IQSEC1: variants seen among roughly 807,000 people sequenced by gnomAD.
IQSEC1 encodes IQ motif and SEC7 domain-containing protein 1.
Under a neutral mutation model 91.0 loss-of-function variants are expected in IQSEC1, and 31 were observed. The observed-to-expected ratio is 0.34, with a 90% CI of 0.26 to 0.46. The LOEUF is 0.46. Ranked by LOEUF, IQSEC1 falls within the 20% of genes least tolerant of loss-of-function variation. The pLI is 1.00. For missense variants in IQSEC1, 1,388 were observed against 1,575.6 expected, an observed-to-expected ratio of 0.88 and a Z score of 2.02; for synonymous variants, 699 against 662.6, an observed-to-expected ratio of 1.05 and a Z score of -0.84.
chr3:13,022,566 G>C (rs1703450050), intron 1 of IQSEC1: 2 of 582,766 alleles, frequency 3.4e-6, no homozygotes, highest in Admixed American at 1.3e-4. Context: ...GGCTGGCCTG[G>C]GATGGGAGAG....
intron 1 of IQSEC1, among the ~76,000 whole-genome samples, chr3:13,252,205 C>T (rs549541192): frequency 6.6e-6 from 1 of 152,116 alleles, no homozygotes; most frequent in Non-Finnish European, 1.5e-5. Context: ...CACCAATCCC[C>T]CTCCCCTCAG....
chr3:13,129,652 T>C (rs1706573191), intron 2 of IQSEC1, among the ~76,000 whole-genome samples: 1 of 133,966 alleles, frequency 7.5e-6, no homozygotes, highest in Non-Finnish European at 1.6e-5. Flanking sequence ...TAACATCTTA[T>C]GAATTTTTTT....
chr3:13,274,595 T>C (rs1576319242), intron 1 of IQSEC1, among the ~76,000 whole-genome samples: 1 of 147,446 alleles, frequency 6.8e-6, no homozygotes, highest in African/African-American at 2.5e-5. Flanking sequence ...AACCCTCCCC[T>C]GCGACCACAT....
At chr3:13,118,075 G>C (rs1706366000) in intron 2 of IQSEC1, among the ~76,000 whole-genome samples, 1 of 152,094 alleles carries the variant, frequency 6.6e-6, no homozygotes, top group Non-Finnish European at 1.5e-5. Flanking sequence ...TAATCATAAC[G>C]TATAGTTTCA....
At chr3:13,178,075 G>A (rs1348586273) in intron 1 of IQSEC1, among the ~76,000 whole-genome samples, 1 of 152,236 alleles carries the variant, frequency 6.6e-6, no homozygotes, top group East Asian at 1.9e-4. Flanking sequence ...TCTTGCATTT[G>A]TTCTCCATGG....
chr3:13,177,748 T>C (rs1436429348), intron 1 of IQSEC1, among the ~76,000 whole-genome samples: 1 of 152,194 alleles, frequency 6.6e-6, no homozygotes, highest in South Asian at 2.1e-4. Context: ...CTGCTGTTGG[T>C]CCCTCTGCTG....
intron 2 of IQSEC1, among the ~76,000 whole-genome samples, chr3:13,117,683 G>A (rs937228804): frequency 4.7e-5 from 7 of 149,986 alleles, no homozygotes; most frequent in Non-Finnish European, 4.4e-5. Flanking sequence ...ACAGGAGTTC[G>A]AGACCAGCCT....
intron 1 of IQSEC1, among the ~76,000 whole-genome samples, chr3:13,206,327 G>A (rs966751088): frequency 6.6e-6 from 1 of 152,178 alleles, no homozygotes; most frequent in East Asian, 1.9e-4. Context: ...GGTGGGGGGC[G>A]CTGTACAGAT....
At chr3:13,146,941 G>T (rs537173572) in intron 2 of IQSEC1, among the ~76,000 whole-genome samples, 6 of 152,304 alleles carry the variant, frequency 3.9e-5, no homozygotes, top group African/African-American at 1.4e-4. Context: ...CAGCCCTCTA[G>T]AGTGCAGGGT....
chr3:13,135,093 T>C (rs1706686076), intron 2 of IQSEC1, among the ~76,000 whole-genome samples: 1 of 152,196 alleles, frequency 6.6e-6, no homozygotes, highest in Admixed American at 6.5e-5. Flanking sequence ...GCTGAGCAGA[T>C]GACTTCCCCA....
intron 2 of IQSEC1, among the ~76,000 whole-genome samples, chr3:13,119,695 C>T (rs1010949784): frequency 2.0e-5 from 3 of 152,234 alleles, no homozygotes; most frequent in African/African-American, 7.2e-5. Flanking sequence ...TCTAAGGCAG[C>T]CTGGCTGCAC....
rs1006009249 is a variant in IQSEC1 at position 13,214,602 on chromosome 3, G to A, written c.273-50469C>T. Reference sequence around the variant, plus strand: ...AGGGCAGGAATCCTAGCAGAAGCCTGTGAGGTGAGGAGGGGGCACCTCCAG... The same window carrying A: ...AGGGCAGGAATCCTAGCAGAAGCCTATGAGGTGAGGAGGGGGCACCTCCAG... On this transcript the variant is annotated intron_variant, in intron 1 of 15. Coordinates refer to the IQSEC1 transcript ENST00000648114. The surrounding 1 kb of genome is among the most constrained non-coding windows in gnomAD (Gnocchi z 4.5). Among the ~76,000 whole-genome samples, 2 of 152,260 alleles carry A rather than the reference G, an allele frequency of 1.3e-5. No homozygotes were observed. The highest frequency in any genetic ancestry group is 2.4e-5 in the African/African-American group (1 of 41,468).
rs543331268 is a variant in IQSEC1 at position 13,245,802 on chromosome 3, G to A, written c.272+36909C>T. Among the ~76,000 whole-genome samples, 835 of 151,654 alleles carry A rather than the reference G, an allele frequency of 5.5e-3. 5 individuals carry two copies. Among genetic ancestry groups the A allele is most frequent in the African/African-American group, 0.019 (799 of 41,146 alleles). On this transcript the variant is annotated intron_variant, in intron 1 of 15. Coordinates refer to the IQSEC1 transcript ENST00000648114. Reference sequence around the variant, plus strand: ...AAAAAAGAATGTGGTGGCAGGCAGGGTGGGGAAGTGAAGCCGTTTCGCAAT... The same window carrying A: ...AAAAAAGAATGTGGTGGCAGGCAGGATGGGGAAGTGAAGCCGTTTCGCAAT...
At chr3:13,219,574 G>A (rs1694618641) in intron 1 of IQSEC1, among the ~76,000 whole-genome samples, 1 of 152,238 alleles carries the variant, frequency 6.6e-6, no homozygotes, top group African/African-American at 2.4e-5. Flanking sequence ...ACACCCACCC[G>A]GCGGTCTTCG....
At chr3:12,973,909 C>T (rs1292509709) in intron 1 of IQSEC1, among the ~76,000 whole-genome samples, 1 of 152,146 alleles carries the variant, frequency 6.6e-6, no homozygotes, top group African/African-American at 2.4e-5. Context: ...GGCTTCCTTT[C>T]CCCAGCTCCT....
chr3:13,190,183 C>T (rs1334436827), intron 1 of IQSEC1, among the ~76,000 whole-genome samples: 1 of 152,198 alleles, frequency 6.6e-6, no homozygotes, highest in African/African-American at 2.4e-5. Flanking sequence ...CAACCCCAGA[C>T]CACAGCCTGC....
rs1465743280 is a variant in IQSEC1 at position 13,229,390 on chromosome 3, C to A, written c.272+53321G>T. 2.0e-5 allele frequency among the ~76,000 whole-genome samples: 3 copies of A among 152,210 alleles called. No individual in the cohort carries two copies. In the East Asian group the frequency reaches 5.8e-4, roughly 29 times the overall value. ...TGAGTGTACAGGGGTCCAGGCACTG[C>A]CATCACAGGGGAAGCCCTCATCTTA... On this transcript the variant is annotated intron_variant, in intron 1 of 15. Transcript: ENST00000648114.
chr3:13,073,084 G>A lies in IQSEC1; in HGVS notation c.-70C>T, dbSNP rs181691146. On this transcript the variant is annotated 5_prime_UTR_variant, in exon 1 of 14. Transcript: ENST00000613206. Reference sequence around the variant, plus strand: ...GGGAGGCTCAACGTGTTTCCAAGAGGAGCAGGCGGCTCAGGCAAGAAGTGG... The same window carrying A: ...GGGAGGCTCAACGTGTTTCCAAGAGAAGCAGGCGGCTCAGGCAAGAAGTGG... 524 of 1,542,678 alleles carry A rather than the reference G, an allele frequency of 3.4e-4. 4 individuals carry two copies. The African/African-American group carries it at 6.3e-3, about 19-fold the overall frequency.
At chr3:13,236,849 C>A (rs1277086885) in intron 1 of IQSEC1, among the ~76,000 whole-genome samples, 1 of 152,258 alleles carries the variant, frequency 6.6e-6, no homozygotes, top group Non-Finnish European at 1.5e-5. Flanking sequence ...GATGCCCCAC[C>A]CCCACCCAGG....
Sources: gnomAD v4.1 joint callset for allele counts (sites outside exome capture counted in the v4.1 genomes callset) on GRCh38, gnomAD v4.1.1 for gene constraint, Gnocchi (gnomAD v3.1) non-coding constraint, MANE v1.5 for transcripts, NCBI Gene and HGNC (gene_info 2026-07-23, HGNC 2026-07-21) for gene names.